Variants in LIFR observed in about 807,000 individuals in gnomAD.
LIFR encodes LIF receptor subunit alpha.
Under a neutral mutation model 122.2 loss-of-function variants are expected in LIFR, and 84 were observed. The observed-to-expected ratio is 0.69, with a 90% CI of 0.58 to 0.82. The LOEUF (loss-of-function observed/expected upper bound fraction) is 0.82. LIFR is among the 40% of genes least tolerant of loss of function. LIFR has a pLI of 0.00. For missense variants in LIFR, 1,294 were observed against 1,311.6 expected (o/e 0.99, Z 0.21); for synonymous variants, 422 against 434.7 (o/e 0.97, Z 0.36).
At chr5:38,500,343 G>A (rs1279479983) in intron 11 of LIFR, among the ~76,000 whole-genome samples, 2 of 152,180 alleles carry the variant, frequency 1.3e-5, no homozygotes, top group Admixed American at 1.3e-4. Flanking sequence ...AAATGCTTGG[G>A]AGCAAAAGTG....
In LIFR at chr5:38,605,953, G is replaced by A. The variant is rs111366738; in HGVS notation, n.305+252C>T. 2.7e-3 allele frequency among the ~76,000 whole-genome samples: 405 copies of A among 152,258 alleles called. 10 individuals are homozygous for A. In the East Asian group the frequency reaches 0.038, roughly 14 times the overall value. On this transcript the variant is annotated intron_variant and non_coding_transcript_variant, in intron 2 of 3. Coordinates refer to the LIFR transcript ENST00000507786. Reference sequence around the variant, plus strand: ...CCAGATGTGCCCCGACCACCTCGTCGTCAGGACCTCCTGAGGAAGTGTCAT... The same window carrying A: ...CCAGATGTGCCCCGACCACCTCGTCATCAGGACCTCCTGAGGAAGTGTCAT...
At chr5:38,547,392 G>A (rs931436943) in intron 1 of LIFR, among the ~76,000 whole-genome samples, 3 of 152,120 alleles carry the variant, frequency 2.0e-5, no homozygotes, top group East Asian at 1.9e-4. Context: ...GAAGTAAAAT[G>A]GTGACTTTGC....
intron 1 of LIFR, among the ~76,000 whole-genome samples, chr5:38,533,397 A>G (rs1260448814): frequency 2.5e-4 from 38 of 152,224 alleles, no homozygotes; most frequent in Admixed American, 2.4e-3. Context: ...CATAAAGCAC[A>G]GGCAGAACTT....
chr5:38,499,646 AT>A (rs1707280189), intron 11 of LIFR, 63 bp from the exon 12 acceptor site: 25 of 1,123,332 alleles, frequency 2.2e-5, no homozygotes, highest in East Asian at 7.1e-5. Context: ...GGTGCTTGGC[AT>A]TTTTTTTCTA....
At chr5:38,579,916 C>T (rs1749527279) in intron 1 of LIFR, among the ~76,000 whole-genome samples, 1 of 152,124 alleles carries the variant, frequency 6.6e-6, no homozygotes, top group Non-Finnish European at 1.5e-5. Flanking sequence ...TAATGGAGAA[C>T]ACATAAGAGG....
chr5:38,592,242 T>C (rs1749943199), intron 1 of LIFR, among the ~76,000 whole-genome samples: 2 of 152,022 alleles, frequency 1.3e-5, no homozygotes, highest in African/African-American at 4.8e-5. Flanking sequence ...TCTGGGAGTA[T>C]AGAGTTTTAA....
chr5:38,584,703 C>T (rs1201018557), intron 1 of LIFR, among the ~76,000 whole-genome samples: 1 of 151,906 alleles, frequency 6.6e-6, no homozygotes, highest in African/African-American at 2.4e-5. Flanking sequence ...GGTTATGGGT[C>T]AGTGGGGAGA....
rs200062636 is a variant in LIFR at position 38,504,151 on chromosome 5, C to T, written c.1292-30G>A. 5.0e-6 allele frequency: 7 copies of T among 1,402,366 alleles called. No homozygotes were observed. The East Asian group carries it at 1.4e-4, about 28-fold the overall frequency. The allele number at this position is 1,402,366 out of a possible 1,614,324, so 86.9% of individuals were successfully genotyped here. ...AAATATAATTTTTAAAGATTAAACA[C>T]TTATTTAAAGGGAAAAACTATCTTC... is the stretch of plus-strand genomic sequence containing the variant. On this transcript the variant is annotated intron_variant, in intron 9 of 19. Transcript: ENST00000453190.
rs561736937 is a variant in LIFR, at chr5:38,546,773, C to T, written c.-20+9561G>A. Among the ~76,000 whole-genome samples the T allele has an allele frequency of 7.2e-5, 11 of 152,296 alleles. 2 individuals carry two copies. Among genetic ancestry groups the T allele is most frequent in the African/African-American group, 2.4e-4 (10 of 41,558 alleles). On this transcript the variant is annotated intron_variant, in intron 1 of 19. Coordinates refer to ENST00000453190, the MANE Select transcript of LIFR (RefSeq NM_001127671.2). Reference sequence around the variant, plus strand: ...AGGCCCACTTCTGCCATTTATGTAACGTCCACTGTCCCTGTAAGCATTTGA... The same window carrying T: ...AGGCCCACTTCTGCCATTTATGTAATGTCCACTGTCCCTGTAAGCATTTGA...
intron 5 of LIFR, among the ~76,000 whole-genome samples, chr5:38,516,577 G>A (rs1163945744): frequency 6.6e-6 from 1 of 152,180 alleles, no homozygotes; most frequent in Non-Finnish European, 1.5e-5. Context: ...GAGAGGATGT[G>A]GAGAAATAGG....
chr5:38,556,992 G>A (rs1385888836), upstream of LIFR: 1 of 152,182 alleles, frequency 6.6e-6, no homozygotes, highest in East Asian at 1.9e-4. Flanking sequence ...GCGCCTCCCC[G>A]AATGCGGCCG....
chr5:38,598,652 C>A (rs955830221), upstream of LIFR, among the ~76,000 whole-genome samples: 1 of 152,182 alleles, frequency 6.6e-6, no homozygotes. Context: ...TCCCCTGACA[C>A]CCCTCAAGTG....
chr5:38,532,204 A>C (rs1747047889), intron 1 of LIFR, among the ~76,000 whole-genome samples: 1 of 152,212 alleles, frequency 6.6e-6, no homozygotes, highest in Non-Finnish European at 1.5e-5. Flanking sequence ...AAAGAGACAC[A>C]GGCCCTACAG....
intron 16 of LIFR, 105 bp downstream of exon 16, chr5:38,488,973 T>C: frequency 1.1e-6 from 1 of 879,362 alleles, no homozygotes. Flanking sequence ...TCAGATAGTT[T>C]TGAAAACCAG....
At position 38,512,567 on chromosome 5, in the gene LIFR, A is replaced by G. The variant is rs555427111; in HGVS notation, c.562-603T>C. Among the ~76,000 whole-genome samples the G allele has an allele frequency of 2.0e-3, 297 of 152,242 alleles. 1 individual carries two copies. Among genetic ancestry groups the G allele is most frequent in the Admixed American group, 3.7e-3 (56 of 15,290 alleles). On this transcript the variant is annotated intron_variant, in intron 5 of 19. Transcript: ENST00000453190. ...AGGTGGGAGGGTCTATTGAGCCTGG[A>G]AAGTCAAGGCTGCAGTGAGCTGAGA...
intron 18 of LIFR, among the ~76,000 whole-genome samples, chr5:38,483,235 A>G (rs1044314252): frequency 2.6e-5 from 4 of 152,242 alleles, no homozygotes; most frequent in African/African-American, 9.6e-5. Flanking sequence ...AACGCAACCA[A>G]AAATGAGATT....
At chr5:38,508,952 G>T (rs988749775) in intron 7 of LIFR, among the ~76,000 whole-genome samples, 1 of 152,132 alleles carries the variant, frequency 6.6e-6, no homozygotes, top group Non-Finnish European at 1.5e-5. Context: ...GGAAATAAAT[G>T]AATCCTGATA....
rs139692094 is a variant in LIFR at position 38,503,042 on chromosome 5, G to A, written c.1438-243C>T. Among the ~76,000 whole-genome samples the A allele has an allele frequency of 5.9e-3, 898 of 152,120 alleles. 3 individuals carry two copies. The highest frequency in any genetic ancestry group is 0.019 in the African/African-American group (808 of 41,490). On this transcript the variant is annotated intron_variant, in intron 10 of 19. Coordinates refer to ENST00000453190, the MANE Select transcript of LIFR (RefSeq NM_001127671.2). ...TGCCCTGTAATAGTAATAAAAAATT[G>A]GGTTATCTTTTTAATCCAAATACTG...
chr5:38,574,284 C>T (rs1749312642), intron 1 of LIFR, among the ~76,000 whole-genome samples: 1 of 152,144 alleles, frequency 6.6e-6, no homozygotes, highest in South Asian at 2.1e-4. Context: ...ATAGACTTCC[C>T]TCATGCTATT....
Sources: gnomAD v4.1 joint callset for allele counts (sites outside exome capture counted in the v4.1 genomes callset) on GRCh38, gnomAD v4.1.1 for gene constraint, MANE v1.5 for transcripts, NCBI Gene and HGNC (gene_info 2026-07-23, HGNC 2026-07-21) for gene names.